PDE4D: variants seen among roughly 807,000 people sequenced by gnomAD.
PDE4D encodes phosphodiesterase 4D.
Under a neutral mutation model 87.4 loss-of-function variants are expected in PDE4D, and 24 were observed. That is an observed-to-expected ratio of 0.27 (90% confidence interval 0.20 to 0.39). The LOEUF is 0.39. Among genes scored for constraint, PDE4D ranks in the 10% least tolerant of loss-of-function variants. The probability of loss-of-function intolerance (pLI) is 1.00; values close to 1 mark genes in which losing one functional copy is unlikely to be tolerated. For missense variants in PDE4D, 714 were observed against 1,041.0 expected, an observed-to-expected ratio of 0.69 and a Z score of 4.32; for synonymous variants, 384 against 383.2, an observed-to-expected ratio of 1.00 and a Z score of -0.02.
At chr5:59,039,625 G>C in intron 5 of PDE4D, 1 of 535,214 alleles carries the variant, frequency 1.9e-6, no homozygotes, top group Non-Finnish European at 2.4e-6. Context: ...GCGCTGCCTG[G>C]CTCCTCCTCA....
At chr5:60,138,659 G>A (rs1780255320) in intron 2 of PDE4D, among the ~76,000 whole-genome samples, 1 of 152,024 alleles carries the variant, frequency 6.6e-6, no homozygotes, top group Non-Finnish European at 1.5e-5. Context: ...TTAAGTGTGT[G>A]TGTGTTCTCA....
At chr5:59,356,911 G>T in intron 1 of PDE4D, 1 of 1,463,468 alleles carries the variant, frequency 6.8e-7, no homozygotes, top group South Asian at 1.5e-5. Flanking sequence ...GGGCTCTGGG[G>T]CCCTGAGGCC....
At chr5:60,409,415 G>A (rs577957882) in intron 1 of PDE4D, among the ~76,000 whole-genome samples, 6 of 152,188 alleles carry the variant, frequency 3.9e-5, no homozygotes, top group South Asian at 4.2e-4. Flanking sequence ...GAGCAATTAC[G>A]TGTCATGATG....
rs75155146 is a variant in PDE4D, at chr5:60,396,804, A to G, written c.-90+91138T>C. ...GGTAGATCTGTGTTTCCTTAGTCTT[A>G]GGCTTGCTTCTGCTGACTTGCTGGC... is the stretch of plus-strand genomic sequence containing the variant. On this transcript the variant is annotated intron_variant, in intron 1 of 16. Coordinates refer to the PDE4D transcript ENST00000502484. Among the ~76,000 whole-genome samples, 8 of 152,344 alleles carry G rather than the reference A, an allele frequency of 5.3e-5. No individual in the cohort carries two copies. The East Asian group carries it at 1.4e-3, about 26-fold the overall frequency.
chr5:59,284,955 C>G (rs1162553038), intron 1 of PDE4D, among the ~76,000 whole-genome samples: 1 of 63,606 alleles, frequency 1.6e-5, no homozygotes, highest in Non-Finnish European at 3.0e-5. Context: ...AGTAAACTAT[C>G]GCAAGAACAA....
intron 1 of PDE4D, chr5:60,521,886 C>T (rs545078336): frequency 1.3e-3 from 195 of 151,840 alleles, no homozygotes; most frequent in African/African-American, 4.5e-3. Flanking sequence ...GTTTTGAACT[C>T]CTGAGTCCTT....
At chr5:60,472,186 ATAAT>A (rs1200717223) in intron 1 of PDE4D, among the ~76,000 whole-genome samples, 1 of 152,218 alleles carries the variant, frequency 6.6e-6, no homozygotes, top group East Asian at 1.9e-4. Context: ...TACTTTATAA[ATAAT>A]AACACTTTAC....
chr5:60,406,616 T>C (rs770852699), intron 1 of PDE4D, among the ~76,000 whole-genome samples: 2 of 152,198 alleles, frequency 1.3e-5, no homozygotes, highest in Non-Finnish European at 1.5e-5. Flanking sequence ...ATGATCACAC[T>C]TCCACCTTTG....
chr5:59,934,810 T>C (rs1756386658), intron 3 of PDE4D, among the ~76,000 whole-genome samples: 1 of 152,084 alleles, frequency 6.6e-6, no homozygotes, highest in African/African-American at 2.4e-5. Context: ...TGAAATGGCA[T>C]GGAGGTTGGG....
chr5:59,818,476 G>C (rs973550317), intron 1 of PDE4D, among the ~76,000 whole-genome samples: 9 of 152,030 alleles, frequency 5.9e-5, no homozygotes, highest in African/African-American at 2.2e-4. Flanking sequence ...TATTACTATT[G>C]GAAAGCCACA....
chr5:60,305,467 G>T (rs1250887859), intron 1 of PDE4D, among the ~76,000 whole-genome samples: 1 of 151,816 alleles, frequency 6.6e-6, no homozygotes, highest in Non-Finnish European at 1.5e-5. Context: ...AGAGACTAGG[G>T]AGCTAACATA....
chr5:59,348,188 A>G (rs1285469528), intron 1 of PDE4D, among the ~76,000 whole-genome samples: 1 of 152,058 alleles, frequency 6.6e-6, no homozygotes, highest in Non-Finnish European at 1.5e-5. Flanking sequence ...ACTATAATTA[A>G]ACAAATTATA....
intron 1 of PDE4D, among the ~76,000 whole-genome samples, chr5:59,477,368 A>AT (rs1386322641): frequency 2.2e-5 from 3 of 138,372 alleles, no homozygotes; most frequent in East Asian, 4.0e-4. Flanking sequence ...AAAAAAAAAA[A>AT]AAAAAATTAA....
At position 59,976,598 on chromosome 5, in the gene PDE4D, C is replaced by G. The variant is rs139718580; in HGVS notation, c.272+11890G>C. Among the ~76,000 whole-genome samples the G allele has an allele frequency of 4.1e-3, 622 of 152,278 alleles. 8 individuals are homozygous for G. Among genetic ancestry groups the G allele is most frequent in the African/African-American group, 0.014 (584 of 41,552 alleles). On this transcript the variant is annotated intron_variant, in intron 3 of 16. Transcript: ENST00000502484. ...CCAGACACCCTGCTAAACAATGAGCCAAATAAATCTCTTTTCTTTGTAAAT... is the reference window on the plus strand; with the variant it reads ...CCAGACACCCTGCTAAACAATGAGCGAAATAAATCTCTTTTCTTTGTAAAT...
At chr5:59,158,383 T>C (rs554796198) in intron 5 of PDE4D, among the ~76,000 whole-genome samples, 6 of 152,320 alleles carry the variant, frequency 3.9e-5, no homozygotes, top group East Asian at 1.9e-4. Flanking sequence ...CCTGAACATG[T>C]TTCTGTCCCT....
intron 5 of PDE4D, among the ~76,000 whole-genome samples, chr5:59,130,456 C>T (rs1370123191): frequency 6.6e-6 from 1 of 152,164 alleles, no homozygotes; most frequent in Admixed American, 6.6e-5. Flanking sequence ...GAGTTAATTT[C>T]ATTAATAACA....
chr5:59,520,288 T>A (rs1044094770), intron 1 of PDE4D, among the ~76,000 whole-genome samples: 1 of 152,020 alleles, frequency 6.6e-6, no homozygotes, highest in Non-Finnish European at 1.5e-5. Context: ...AAAAGAAACA[T>A]GAGACCATTT....
At chr5:59,530,657 G>A (rs988369811) in intron 1 of PDE4D, among the ~76,000 whole-genome samples, 5 of 152,054 alleles carry the variant, frequency 3.3e-5, no homozygotes, top group Non-Finnish European at 7.4e-5. Flanking sequence ...CCATGGATAC[G>A]AAAGGCCTAC....
At chr5:59,386,842 C>T (rs1419751224) in intron 1 of PDE4D, among the ~76,000 whole-genome samples, 1 of 152,120 alleles carries the variant, frequency 6.6e-6, no homozygotes, top group Non-Finnish European at 1.5e-5. Flanking sequence ...TTTACCTTAG[C>T]TGGAGAGGTA....
Sources: gnomAD v4.1 joint callset for allele counts (sites outside exome capture counted in the v4.1 genomes callset) on GRCh38, gnomAD v4.1.1 for gene constraint, MANE v1.5 for transcripts, NCBI Gene and HGNC (gene_info 2026-07-23, HGNC 2026-07-21) for gene names.